Variants in PTPRN2 observed in about 807,000 individuals in gnomAD.
PTPRN2 encodes the protein protein tyrosine phosphatase receptor type N2, also known as receptor-type tyrosine-protein phosphatase N2.
PTPRN2 carries 74 observed loss-of-function variants against 118.8 expected under a neutral mutation model. The observed-to-expected ratio is 0.62, with a 90% CI of 0.52 to 0.76. The LOEUF (loss-of-function observed/expected upper bound fraction) is 0.76, where lower values mean the gene tolerates loss of function less well. PTPRN2 is among the 30% of genes least tolerant of loss of function. The probability of loss-of-function intolerance (pLI) is 0.00; values close to 1 mark genes in which losing one functional copy is unlikely to be tolerated. For synonymous variants in PTPRN2, 641 were observed against 608.0 expected (o/e 1.05, Z -0.80); for missense variants, 1,481 against 1,394.4 (o/e 1.06, Z -0.99).
At chr7:157,548,342 G>A (rs892707190) in intron 22 of PTPRN2, among the ~76,000 whole-genome samples, 7 of 152,308 alleles carry the variant, frequency 4.6e-5, no homozygotes, top group Middle Eastern at 3.4e-3. Flanking sequence ...CAGAGAGGGC[G>A]AAATGAAACC....
At chr7:158,491,431 G>A (rs1247269863) in intron 1 of PTPRN2, among the ~76,000 whole-genome samples, 1 of 152,196 alleles carries the variant, frequency 6.6e-6, no homozygotes, top group Non-Finnish European at 1.5e-5. Flanking sequence ...TCCAAGCAGA[G>A]ATTGTTTTTG....
intron 9 of PTPRN2, among the ~76,000 whole-genome samples, chr7:158,131,332 T>TACGC (rs1818254771): frequency 6.8e-6 from 1 of 147,534 alleles, no homozygotes; most frequent in African/African-American, 2.5e-5. Flanking sequence ...TACACACTCA[T>TACGC]ACACATGCAC....
intron 3 of PTPRN2, among the ~76,000 whole-genome samples, chr7:158,300,509 C>T (rs1005183475): frequency 1.9e-5 from 1 of 53,074 alleles, no homozygotes; most frequent in South Asian, 6.1e-4. Flanking sequence ...CATGAGGCGA[C>T]GTGGTGCGCG....
At chr7:158,514,739 T>C (rs1381547746) in intron 1 of PTPRN2, among the ~76,000 whole-genome samples, 1 of 152,208 alleles carries the variant, frequency 6.6e-6, no homozygotes, top group African/African-American at 2.4e-5. Context: ...AATGAGGTCA[T>C]TTGGAAGATA....
chr7:158,489,162 C>G (rs563905580), intron 2 of PTPRN2, among the ~76,000 whole-genome samples: 1 of 152,252 alleles, frequency 6.6e-6, no homozygotes, highest in South Asian at 2.1e-4. Context: ...GACGAAAAAC[C>G]TGGCCGGGCG....
At chr7:157,651,258 C>T (rs1457244822) in intron 14 of PTPRN2, among the ~76,000 whole-genome samples, 1 of 152,170 alleles carries the variant, frequency 6.6e-6, no homozygotes, top group Non-Finnish European at 1.5e-5. Context: ...TGTCACTGCG[C>T]TTGGTTTTAA....
chr7:158,541,667 G>A (rs1379320617), intron 1 of PTPRN2: 10 of 1,330,780 alleles, frequency 7.5e-6, no homozygotes, highest in African/African-American at 1.5e-5. Context: ...AGGTACGAAC[G>A]TTAGTTAATC....
intron 10 of PTPRN2, among the ~76,000 whole-genome samples, chr7:158,091,017 CA>C (rs2128944560): frequency 6.6e-6 from 1 of 152,322 alleles, no homozygotes; most frequent in African/African-American, 2.4e-5. Flanking sequence ...AAATCTCTGA[CA>C]AAAGCTTCCA....
intron 11 of PTPRN2, among the ~76,000 whole-genome samples, chr7:157,917,862 C>T (rs1474801126): frequency 3.9e-5 from 6 of 152,100 alleles, no homozygotes; most frequent in Admixed American, 6.5e-5. Context: ...GTCAGCAGGC[C>T]GAGCTGGGGC....
intron 16 of PTPRN2, among the ~76,000 whole-genome samples, chr7:157,602,414 C>T (rs1796281): frequency 1.6e-4 from 24 of 149,670 alleles, no homozygotes; most frequent in African/African-American, 5.2e-4. Flanking sequence ...CCAGCAGAGC[C>T]GAGAGCTGAG....
At chr7:157,624,550 A>G (rs996035567) in intron 14 of PTPRN2, among the ~76,000 whole-genome samples, 3 of 152,206 alleles carry the variant, frequency 2.0e-5, no homozygotes, top group African/African-American at 4.8e-5. Flanking sequence ...CACAAAGCCT[A>G]CTGAGGATAA....
intron 15 of PTPRN2, among the ~76,000 whole-genome samples, chr7:157,608,878 C>T (rs1363098316): frequency 2.0e-5 from 3 of 152,164 alleles, no homozygotes; most frequent in Non-Finnish European, 4.4e-5. Context: ...TCATAACAGC[C>T]TGGGGCTCAT....
intron 10 of PTPRN2, among the ~76,000 whole-genome samples, chr7:158,094,638 T>C (rs975103248): frequency 6.6e-6 from 1 of 152,242 alleles, no homozygotes; most frequent in Non-Finnish European, 1.5e-5. Context: ...AGCTTCGCTC[T>C]CATGATGCTT....
intron 2 of PTPRN2, among the ~76,000 whole-genome samples, chr7:158,432,398 C>G (rs1297520355): frequency 2.0e-5 from 3 of 152,192 alleles, no homozygotes; most frequent in Non-Finnish European, 4.4e-5. Flanking sequence ...TAGCGGATTT[C>G]AAACGTTTTG....
intron 11 of PTPRN2, among the ~76,000 whole-genome samples, chr7:158,038,859 C>A (rs1273954330): frequency 3.3e-5 from 5 of 150,442 alleles, no homozygotes; most frequent in African/African-American, 4.9e-5. Flanking sequence ...CAAAAAAAAA[C>A]ACAGCATGAA....
At chr7:158,010,174 C>G (rs1459503145) in intron 11 of PTPRN2, among the ~76,000 whole-genome samples, 3 of 152,190 alleles carry the variant, frequency 2.0e-5, no homozygotes, top group Non-Finnish European at 4.4e-5. Flanking sequence ...CAAGGTAAAG[C>G]CTCAACACGG....
chr7:158,386,512 C>A (rs567869899), intron 2 of PTPRN2, among the ~76,000 whole-genome samples: 1 of 152,316 alleles, frequency 6.6e-6, no homozygotes, highest in Admixed American at 6.5e-5. Context: ...AGGGTATGCA[C>A]TTTTCCAGGT....
At chr7:158,208,473 A>C (rs1211136105) in intron 3 of PTPRN2, among the ~76,000 whole-genome samples, 1 of 152,226 alleles carries the variant, frequency 6.6e-6, no homozygotes. Context: ...TTCAGTGGAA[A>C]CTTTACAGGC....
chr7:157,913,524 T>A (rs1379071489), intron 11 of PTPRN2, among the ~76,000 whole-genome samples: 2 of 152,240 alleles, frequency 1.3e-5, no homozygotes, highest in African/African-American at 4.8e-5. Context: ...GGAAGCATGA[T>A]GTTTCTGTAG....
Sources: gnomAD v4.1 joint callset for allele counts (sites outside exome capture counted in the v4.1 genomes callset) on GRCh38, gnomAD v4.1.1 for gene constraint, MANE v1.5 for transcripts, NCBI Gene and HGNC (gene_info 2026-07-23, HGNC 2026-07-21) for gene names.